CEP295: variants seen among roughly 807,000 people sequenced by gnomAD.
CEP295 encodes centrosomal protein 295.
CEP295 carries 190 observed loss-of-function variants against 291.6 expected under a neutral mutation model. The ratio of observed to expected loss-of-function variants is 0.65; its 90% CI spans 0.58 to 0.73. The LOEUF (loss-of-function observed/expected upper bound fraction) is 0.73, where lower values mean the gene tolerates loss of function less well. CEP295 is among the 30% of genes least tolerant of loss of function. The pLI is 0.00. For synonymous variants in CEP295, 993 were observed against 1,038.8 expected, an observed-to-expected ratio of 0.96 and a Z score of 0.85; for missense variants, 2,863 against 2,949.4, an observed-to-expected ratio of 0.97 and a Z score of 0.68.
At chr11:93,679,371 C>T in intron 6 of CEP295, 41 bp from the exon 7 acceptor site, 1 of 1,523,340 alleles carries the variant, frequency 6.6e-7, no homozygotes, top group Non-Finnish European at 8.8e-7. Flanking sequence ...GCTTGTCTCA[C>T]ACTTTAAAAA....
intron 6 of CEP295, among the ~76,000 whole-genome samples, chr11:93,678,322 CT>C (rs757778828): frequency 1.3e-5 from 2 of 152,034 alleles, no homozygotes; most frequent in Non-Finnish European, 2.9e-5. Context: ...TTTAATCTAA[CT>C]TTTTTTGTCT....
At chr11:93,712,751 T>G (rs1312323029) in intron 18 of CEP295, among the ~76,000 whole-genome samples, 1 of 152,124 alleles carries the variant, frequency 6.6e-6, no homozygotes, top group Non-Finnish European at 1.5e-5. Flanking sequence ...TTTAGTCCAT[T>G]TACATTGAAC....
At chr11:93,724,182 AGT>A (rs1325896581) in intron 21 of CEP295, 70 bp from the exon 22 acceptor site, 2 of 1,345,756 alleles carry the variant, frequency 1.5e-6, no homozygotes, top group East Asian at 5.0e-5. Context: ...CTCCTTTTCT[AGT>A]GTTTACCTTA....
intron 18 of CEP295, among the ~76,000 whole-genome samples, chr11:93,707,698 G>A (rs1449097757): frequency 2.0e-5 from 3 of 151,660 alleles, no homozygotes; most frequent in East Asian, 1.9e-4. Context: ...GCAGTGAGCC[G>A]AGATCAAGCC....
chr11:93,729,204 G>T, intron 25 of CEP295: 2 of 579,984 alleles, frequency 3.4e-6, no homozygotes, highest in Non-Finnish European at 6.1e-6. Context: ...GCCTAGAGGT[G>T]TGAGGGCAGT....
Position 93,695,480 on chromosome 11 carries a change from A to T in CEP295, c.1534-17A>T. On this transcript the variant is annotated splice_polypyrimidine_tract_variant and intron_variant, in intron 12 of 29. Transcript: ENST00000325212. The stretch of plus-strand genomic sequence containing the variant: ...ATGAGTTTGTTGTTAATAGATCAAT[A>T]GTATTTTGTTACCTAGATAATGGAA... 7.1e-7 allele frequency: 1 copy of T among 1,410,282 alleles called. No individual in the cohort carries two copies. The highest frequency in any genetic ancestry group is 9.3e-7 in the Non-Finnish European group (1 of 1,080,538). 87.4% of individuals were successfully genotyped at this position (1,410,282 alleles called of 1,614,324 possible).
intron 6 of CEP295, among the ~76,000 whole-genome samples, chr11:93,678,681 G>A (rs760253961): frequency 3.3e-5 from 5 of 152,128 alleles, no homozygotes; most frequent in East Asian, 1.9e-4. Flanking sequence ...TAATCTCAGC[G>A]CTTTGGGAGG....
At chr11:93,709,125 G>A (rs1336355309) in intron 18 of CEP295, among the ~76,000 whole-genome samples, 2 of 151,944 alleles carry the variant, frequency 1.3e-5, no homozygotes, top group African/African-American at 4.8e-5. Flanking sequence ...TGTTTCATTT[G>A]CTTTGCAAAA....
chr11:93,730,324 AATT>A lies in CEP295; in HGVS notation c.*59_*61del, dbSNP rs1419560553. ...ATTGTGTATATGTAGCATTAGACAA[AATT>A]ATTTAAAGTCAATAAATTGTTATTC... On this transcript the variant is annotated 3_prime_UTR_variant, in exon 30 of 30. Coordinates refer to ENST00000325212, the MANE Select transcript of CEP295 (RefSeq NM_033395.2). The A allele has an allele frequency of 5.0e-6, 6 of 1,211,890 alleles. No homozygotes were observed. Among genetic ancestry groups the A allele is most frequent in the Non-Finnish European group, 7.1e-6 (6 of 842,450 alleles). 75.1% of individuals were successfully genotyped at this position (1,211,890 alleles called of 1,614,324 possible).
At chr11:93,663,617 C>T (rs1324043656) in intron 1 of CEP295, among the ~76,000 whole-genome samples, 4 of 152,012 alleles carry the variant, frequency 2.6e-5, no homozygotes, top group Non-Finnish European at 5.9e-5. Flanking sequence ...ATGTACAAGA[C>T]GTTGACATTT....
chr11:93,690,624 C>T (rs889497854), intron 10 of CEP295, among the ~76,000 whole-genome samples: 1 of 142,118 alleles, frequency 7.0e-6, no homozygotes, highest in Non-Finnish European at 1.5e-5. Context: ...CCCAGCTACT[C>T]GGGAGCATGA....
chr11:93,667,343 A>G (rs942492325), intron 2 of CEP295, among the ~76,000 whole-genome samples: 1 of 152,210 alleles, frequency 6.6e-6, no homozygotes, highest in Non-Finnish European at 1.5e-5. Flanking sequence ...ATAGGTTATT[A>G]GAGTGATAAT....
At chr11:93,675,966 T>C (rs1198631366) in intron 6 of CEP295, among the ~76,000 whole-genome samples, 1 of 152,048 alleles carries the variant, frequency 6.6e-6, no homozygotes, top group Admixed American at 6.5e-5. Flanking sequence ...CATATAAGTG[T>C]AAACTATTGG....
chr11:93,679,760 C>T (rs1254017347), intron 7 of CEP295, among the ~76,000 whole-genome samples: 1 of 152,012 alleles, frequency 6.6e-6, no homozygotes, highest in Non-Finnish European at 1.5e-5. Flanking sequence ...TATTGCTATT[C>T]TAAAAATTTT....
chr11:93,713,767 A>AAGG (rs1953064537), intron 18 of CEP295, among the ~76,000 whole-genome samples: 1 of 151,998 alleles, frequency 6.6e-6, no homozygotes, highest in Non-Finnish European at 1.5e-5. Context: ...CTGTCTCTCT[A>AAGG]CCTTCTCTTT....
rs750124120 is a variant in CEP295, at chr11:93,702,810, C to T, written c.5487C>T (p.Ser1829=). The T allele has an allele frequency of 1.9e-6, 3 of 1,551,804 alleles. No homozygotes were observed. The highest frequency in any genetic ancestry group is 2.6e-6 in the Non-Finnish European group (3 of 1,147,020). The change falls in exon 17 of 30, where the codon TCC becomes TCT. Residue 1829 remains serine, a synonymous_variant. Transcript: ENST00000325212. ...TGGAGAAAGATCTGGGGAGAAGATC[C>T]TCAAAGCCACCTGTAGCAAAAGTCA... ...EHLEKDLGRR[S]SKPPVAKVKC... is the part of the protein sequence containing the mutation.
intron 5 of CEP295, among the ~76,000 whole-genome samples, chr11:93,674,470 G>GT (rs1357864650): frequency 3.9e-5 from 6 of 152,306 alleles, no homozygotes; most frequent in African/African-American, 1.4e-4. Context: ...AGGCCGAAGC[G>GT]TAAGGATCGC....
chr11:93,695,909 G>A (rs1220792795), intron 13 of CEP295, among the ~76,000 whole-genome samples: 1 of 152,120 alleles, frequency 6.6e-6, no homozygotes, highest in Non-Finnish European at 1.5e-5. Flanking sequence ...TACTCCAGAG[G>A]TTGAGGCAGG....
chr11:93,708,767 C>T (rs12277268), intron 18 of CEP295, among the ~76,000 whole-genome samples: 5,630 of 152,246 alleles, frequency 0.037, 236 homozygotes, highest in African/African-American at 0.098. Context: ...TACATTCCCA[C>T]CAACGGTGTT....
Sources: allele counts gnomAD v4.1 joint callset (sites outside exome capture counted in the v4.1 genomes callset), GRCh38; gene constraint gnomAD v4.1.1; transcripts MANE v1.5; gene names NCBI Gene and HGNC (gene_info 2026-07-23, HGNC 2026-07-21).